Variants in ZNF18 observed in about 807,000 individuals in gnomAD.
The protein encoded by ZNF18 is heart development-specific gene 1 protein.
In ZNF18, 42 loss-of-function variants were observed where a neutral mutation model predicts 58.1. The observed-to-expected ratio is 0.72, with a 90% CI of 0.56 to 0.93. The LOEUF (loss-of-function observed/expected upper bound fraction) is 0.93, where lower values mean the gene tolerates loss of function less well. Ranked by LOEUF, ZNF18 falls within the 40% of genes least tolerant of loss-of-function variation. The pLI is 0.00. For missense variants in ZNF18, 540 were observed against 644.2 expected (o/e 0.84, Z 1.75); for synonymous variants, 231 against 239.8 (o/e 0.96, Z 0.34).
the ZNF18 span, among the ~76,000 whole-genome samples, chr17:12,007,705 A>G: frequency 2.0e-5 from 3 of 152,266 alleles, no homozygotes; most frequent in East Asian, 1.9e-4. Flanking sequence ...ACGCCTGCCC[A>G]CGTTGAGATT....
chr17:11,991,938 G>A (rs1296292902), intron 2 of ZNF18, among the ~76,000 whole-genome samples: 1 of 152,136 alleles, frequency 6.6e-6, no homozygotes, highest in Non-Finnish European at 1.5e-5. Flanking sequence ...AAGCTTCCAG[G>A]TTGGTGACCT....
At chr17:11,987,823 A>G (rs1967850931) in intron 4 of ZNF18, among the ~76,000 whole-genome samples, 1 of 152,170 alleles carries the variant, frequency 6.6e-6, no homozygotes, top group Non-Finnish European at 1.5e-5. Context: ...CACTAAAAAG[A>G]TATTTCTCTC....
Position 11,992,488 on chromosome 17 carries a change from G to A in ZNF18, c.342C>T (p.Thr114=). ...QCPGSGEEAV[T]LVESLKGDPQ... is the part of the protein sequence containing the mutation. ...GGTCCCCCTTCAAGCTTTCCACAAG[G>A]GTCACTGCCTCTTCTCCACTTCCTG... The change falls in exon 2 of 7, where the codon ACC becomes ACT. Residue 114 remains threonine, a synonymous_variant. Transcript: ENST00000580306. 1 of 1,614,138 alleles carries A rather than the reference G, an allele frequency of 6.2e-7. No individual in the cohort carries two copies. The highest frequency in any genetic ancestry group is 1.7e-5 in the Admixed American group (1 of 60,012).
In ZNF18 at chr17:11,989,158, CA is replaced by C. The variant is rs34643808; in HGVS notation, c.666+1303del. Among the ~76,000 whole-genome samples the C allele has an allele frequency of 7.4e-3, 888 of 119,718 alleles. 1 individual carries two copies. Among genetic ancestry groups the C allele is most frequent in the African/African-American group, 9.5e-3 (307 of 32,416 alleles). 78.5% of individuals were successfully genotyped at this position (119,718 alleles called of 152,430 possible). A position where few individuals can be genotyped will look rare whatever the true frequency, so the allele number is the denominator to read the frequency against. On this transcript the variant is annotated intron_variant, in intron 4 of 6. Transcript: ENST00000580306. ...TAGGCAACACAGCAAGACCCTGTCTCAAAAAAAAAAAAAAAAATTAGCCAAG... is the reference window on the plus strand; with the variant it reads ...TAGGCAACACAGCAAGACCCTGTCTCAAAAAAAAAAAAAAAATTAGCCAAG...
the ZNF18 span, among the ~76,000 whole-genome samples, chr17:12,009,811 CA>C: frequency 5.3e-5 from 8 of 152,142 alleles, no homozygotes; most frequent in East Asian, 1.2e-3. Flanking sequence ...GTAAAAGAAA[CA>C]ACAAATACCC....
chr17:11,983,567 C>T (rs967869220), intron 5 of ZNF18, among the ~76,000 whole-genome samples, 160 bp from the exon 6 acceptor site: 2 of 152,108 alleles, frequency 1.3e-5, no homozygotes, highest in African/African-American at 4.8e-5. Flanking sequence ...TTGTAAGACA[C>T]CAGTACTCAC....
At position 11,978,294 on chromosome 17, in the gene ZNF18, C is replaced by T. The variant is rs141254598; in HGVS notation, c.1313G>A (p.Cys438Tyr). The change falls in exon 7 of 7, where the codon TGC (cysteine) becomes TAC (tyrosine). Residue 438 changes from cysteine to tyrosine, a missense_variant. Physicochemically the swap from Cys to Tyr is radical, Grantham distance 194. Coordinates refer to ENST00000580306, the MANE Select transcript of ZNF18 (RefSeq NM_001303281.2). ...CAGAAAGGCTTTTTTGCAGATGGTG[C>T]ACTGAAAGTATGTCTCTCCGGTGTG... ...RTHTGETYFQ[C>Y]TICKKAFLRS... 3.7e-5 allele frequency: 60 copies of T among 1,605,018 alleles called. No individual in the cohort carries two copies. Among genetic ancestry groups the T allele is most frequent in the Non-Finnish European group, 5.1e-6 (6 of 1,176,564 alleles).
chr17:12,017,617 C>T, the ZNF18 span, among the ~76,000 whole-genome samples: 4 of 152,168 alleles, frequency 2.6e-5, no homozygotes, highest in Non-Finnish European at 4.4e-5. Context: ...GTGGCTCACC[C>T]TTGTAATCCC....
At chr17:11,981,275 T>C (rs1451443873) in intron 6 of ZNF18, among the ~76,000 whole-genome samples, 2 of 151,998 alleles carry the variant, frequency 1.3e-5, no homozygotes, top group African/African-American at 4.8e-5. Flanking sequence ...GTCCTACACG[T>C]TGCTGCCGGA....
Position 11,983,498 on chromosome 17 carries a change from G to A in ZNF18, c.752-91C>T, listed in dbSNP as rs1365703115. The A allele has an allele frequency of 6.2e-6, 6 of 960,988 alleles. No homozygotes were observed. The African/African-American group carries it at 6.5e-5, about 10-fold the overall frequency. The allele number at this position is 960,988 out of a possible 1,614,324, so 59.5% of individuals were successfully genotyped here. A position where few individuals can be genotyped will look rare whatever the true frequency, so the allele number is the denominator to read the frequency against. ...TTTCAAAGGAGCACCCTACGCATGA[G>A]GGAAAATATGAAGGCTCTGGACACT... On this transcript the variant is annotated intron_variant, in intron 5 of 6. Transcript: ENST00000580306.
chr17:12,010,029 G>A, the ZNF18 span, among the ~76,000 whole-genome samples: 1 of 152,114 alleles, frequency 6.6e-6, no homozygotes, highest in African/African-American at 2.4e-5. Context: ...GGATATAACA[G>A]ACCAAAACAG....
rs149625912 is a variant in ZNF18 at position 11,979,897 on chromosome 17, G to A, written c.863-1153C>T. Reference sequence around the variant, plus strand: ...TATCATTTTAAAGAGCTGAGTAATGGCCCATCAAGAAGATGTCATAATAAA... The same window carrying A: ...TATCATTTTAAAGAGCTGAGTAATGACCCATCAAGAAGATGTCATAATAAA... On this transcript the variant is annotated intron_variant, in intron 6 of 6. Coordinates refer to ENST00000580306, the MANE Select transcript of ZNF18 (RefSeq NM_001303281.2). 4.4e-3 allele frequency among the ~76,000 whole-genome samples: 663 copies of A among 152,190 alleles called. 2 individuals are homozygous for A. The highest frequency in any genetic ancestry group is 7.3e-3 in the Non-Finnish European group (494 of 68,004).
rs183777667 is a variant in ZNF18, at chr17:11,992,643, G to A, written c.187C>T (p.Arg63Trp). The A allele has an allele frequency of 4.3e-6, 7 of 1,614,224 alleles. No individual in the cohort carries two copies. Among genetic ancestry groups the A allele is most frequent in the East Asian group, 2.2e-5 (1 of 44,892 alleles). Reference sequence around the variant, plus strand: ...TGTAGCCACTGGAAACAGAGCTTCCGAAGTTGCTTCAAGGTCTCATGAGGC... The same window carrying A: ...TGTAGCCACTGGAAACAGAGCTTCCAAAGTTGCTTCAAGGTCTCATGAGGC... ...SGPHETLKQL[R>W]KLCFQWLQPE... Residue 63 changes from arginine (R) to tryptophan (W), a missense_variant, in exon 2 of 7, where the codon CGG becomes TGG. Physicochemically the swap from Arg to Trp is moderately radical, Grantham distance 101. Coordinates refer to ENST00000580306, the MANE Select transcript of ZNF18 (RefSeq NM_001303281.2).
At chr17:12,012,605 C>T in the ZNF18 span, among the ~76,000 whole-genome samples, 45 of 152,324 alleles carry the variant, frequency 3.0e-4, no homozygotes, top group African/African-American at 1.1e-3. Context: ...GTTGCCCACA[C>T]TTTCATCAAT....
chr17:12,001,773 T>C (rs1968661326), upstream of ZNF18, among the ~76,000 whole-genome samples: 2 of 152,202 alleles, frequency 1.3e-5, no homozygotes, highest in South Asian at 2.1e-4. Flanking sequence ...TGTATACCTA[T>C]GTCAAAACGT....
intron 6 of ZNF18, among the ~76,000 whole-genome samples, chr17:11,982,544 C>A (rs973360488): frequency 1.3e-5 from 2 of 151,946 alleles, no homozygotes; most frequent in Non-Finnish European, 2.9e-5. Flanking sequence ...GGTATATTAG[C>A]AAAAGAAAAT....
the ZNF18 span, chr17:12,021,351 G>C: frequency 1.9e-5 from 3 of 159,646 alleles, no homozygotes; most frequent in Admixed American, 1.9e-4. Flanking sequence ...CCGTTTCCGG[G>C]AACGCGCCGG....
intron 6 of ZNF18, among the ~76,000 whole-genome samples, chr17:11,979,312 A>G (rs1967193353): frequency 6.6e-6 from 1 of 152,220 alleles, no homozygotes; most frequent in South Asian, 2.1e-4. Flanking sequence ...ATATAGTTCT[A>G]TATCTAGCTA....
At chr17:12,010,719 C>T in the ZNF18 span, 62 of 221,344 alleles carry the variant, frequency 2.8e-4, no homozygotes, top group Non-Finnish European at 4.7e-4. Context: ...CCCCGCCGGT[C>T]TTTTATTTTT....
Sources: allele counts gnomAD v4.1 joint callset (sites outside exome capture counted in the v4.1 genomes callset), GRCh38; gene constraint gnomAD v4.1.1; transcripts MANE v1.5; gene names NCBI Gene and HGNC (gene_info 2026-07-23, HGNC 2026-07-21).